Variants in COL4A3 observed in about 807,000 individuals in gnomAD.
COL4A3 encodes the protein collagen type IV alpha 3 chain, also known as collagen alpha-3(IV) chain.
COL4A3 carries 135 observed loss-of-function variants against 217.4 expected under a neutral mutation model. The observed-to-expected ratio is 0.62, with a 90% confidence interval of 0.54 to 0.72. The LOEUF is 0.72. Among genes scored for constraint, COL4A3 ranks in the 30% least tolerant of loss-of-function variants. COL4A3 has a pLI of 0.00. For synonymous variants in COL4A3, 690 were observed against 736.3 expected (o/e 0.94, Z 1.02); for missense variants, 1,868 against 2,119.9 (o/e 0.88, Z 2.33).
chr2:227,239,463 A>G (rs2068892749), intron 2 of COL4A3, among the ~76,000 whole-genome samples: 1 of 152,214 alleles, frequency 6.6e-6, no homozygotes, highest in Admixed American at 6.5e-5. Flanking sequence ...TAATTCCAAG[A>G]TACAAATCCA....
intron 48 of COL4A3, among the ~76,000 whole-genome samples, chr2:227,308,369 T>C (rs189728082): frequency 6.6e-6 from 1 of 152,240 alleles, no homozygotes; most frequent in Non-Finnish European, 1.5e-5. Context: ...CACACCACTA[T>C]ACCAAGCTAA....
At chr2:227,249,475 A>C (rs2069603645) in intron 9 of COL4A3, among the ~76,000 whole-genome samples, 1 of 151,548 alleles carries the variant, frequency 6.6e-6, no homozygotes, top group Non-Finnish European at 1.5e-5. Context: ...ACCTCAGGTG[A>C]TCCACCAACT....
At chr2:227,245,350 A>G (rs2069268528) in intron 5 of COL4A3, among the ~76,000 whole-genome samples, 1 of 152,190 alleles carries the variant, frequency 6.6e-6, no homozygotes, top group Non-Finnish European at 1.5e-5. Context: ...AAACCATTAC[A>G]CTATAACAAC....
At chr2:227,236,663 A>AT (rs375943584) in intron 1 of COL4A3, among the ~76,000 whole-genome samples, 12,398 of 144,608 alleles carry the variant, frequency 0.086, 656 homozygotes, top group Admixed American at 0.15. Flanking sequence ...GTCAAAACAC[A>AT]TTTTTTCTTT....
At chr2:227,280,750 T>A (rs773154667) in intron 30 of COL4A3, 143 bp from the exon 31 acceptor site, 4 of 1,065,640 alleles carry the variant, frequency 3.8e-6, no homozygotes, top group Non-Finnish European at 4.3e-6. Flanking sequence ...TTTTAATGAG[T>A]GCCCTCTAGA....
At chr2:227,213,007 T>G (rs923466496) in intron 1 of COL4A3, among the ~76,000 whole-genome samples, 8 of 152,236 alleles carry the variant, frequency 5.3e-5, no homozygotes, top group African/African-American at 1.9e-4. Context: ...CCTTGGCCGT[T>G]CATAAACAAA....
intron 1 of COL4A3, among the ~76,000 whole-genome samples, chr2:227,213,589 G>A (rs546039573): frequency 3.3e-5 from 5 of 152,182 alleles, no homozygotes; most frequent in East Asian, 1.9e-4. Context: ...TCTTGTTTCC[G>A]CTTTTTAGAT....
intron 5 of COL4A3, 145 bp downstream of exon 5, chr2:227,245,140 G>A (rs1052538129): frequency 3.9e-6 from 3 of 768,146 alleles, no homozygotes; most frequent in Non-Finnish European, 6.8e-6. Flanking sequence ...TATTATACTA[G>A]TGTGTGGATT....
At chr2:227,304,587 C>T (rs1460389936) in intron 46 of COL4A3, among the ~76,000 whole-genome samples, 1 of 152,160 alleles carries the variant, frequency 6.6e-6, no homozygotes, top group Admixed American at 6.5e-5. Flanking sequence ...ATTGAACTAA[C>T]CCCTCTACAT....
In COL4A3 at chr2:227,237,774, T is replaced by A. The variant is rs1016018394; in HGVS notation, c.88-194T>A. ...TCCGACATTTCTCCCTTATGCAACATGTTCTCAGTTTTCTACTTTATTGCT... is the reference window on the plus strand; with the variant it reads ...TCCGACATTTCTCCCTTATGCAACAAGTTCTCAGTTTTCTACTTTATTGCT... On this transcript the variant is annotated intron_variant, in intron 1 of 51. Coordinates refer to ENST00000396578, the MANE Select transcript of COL4A3 (RefSeq NM_000091.5). 1.7e-5 allele frequency: 9 copies of A among 529,256 alleles called. No individual in the cohort carries two copies. In the Admixed American group the frequency reaches 1.8e-4, roughly 11 times the overall value. The allele number at this position is 529,256 out of a possible 1,614,324, so 32.8% of individuals were successfully genotyped here.
intron 1 of COL4A3, among the ~76,000 whole-genome samples, chr2:227,213,574 C>T (rs771360102): frequency 4.6e-5 from 7 of 152,080 alleles, no homozygotes; most frequent in Non-Finnish European, 8.8e-5. Context: ...GTAAGAGATA[C>T]GTATTCTTGT....
intron 1 of COL4A3, among the ~76,000 whole-genome samples, chr2:227,213,833 C>G (rs1311990937): frequency 7.3e-6 from 1 of 137,418 alleles, no homozygotes; most frequent in Admixed American, 8.3e-5. Context: ...ACCCAGAAGA[C>G]AGAACTTGCA....
At chr2:227,299,312 G>A (rs558509705) in intron 43 of COL4A3, among the ~76,000 whole-genome samples, 126 of 152,220 alleles carry the variant, frequency 8.3e-4, no homozygotes, top group African/African-American at 2.9e-3. Flanking sequence ...GGAGAATGGC[G>A]TGAACCCGGG....
Position 227,198,871 on chromosome 2 carries a change from T to A in COL4A3, c.87+34058T>A, listed in dbSNP as rs922066187. Among the ~76,000 whole-genome samples, 6 of 152,092 alleles carry A rather than the reference T, an allele frequency of 3.9e-5. No homozygotes were observed. The East Asian group carries it at 7.7e-4, about 20-fold the overall frequency. On this transcript the variant is annotated intron_variant, in intron 1 of 51. Coordinates refer to ENST00000396578, the MANE Select transcript of COL4A3 (RefSeq NM_000091.5). ...TGTATTGAAGGCAATGGGGAAGCAG[T>A]ATAGGGTTTTTAGCAGGGAATCAAC... is the stretch of plus-strand genomic sequence containing the variant.
intron 1 of COL4A3, among the ~76,000 whole-genome samples, chr2:227,235,543 T>C (rs1336172543): frequency 1.3e-5 from 2 of 152,170 alleles, no homozygotes; most frequent in Non-Finnish European, 2.9e-5. Context: ...GATGCACCCA[T>C]CACCCAAACA....
chr2:227,242,991 T>C (rs1325090625), intron 3 of COL4A3, among the ~76,000 whole-genome samples: 1 of 152,242 alleles, frequency 6.6e-6, no homozygotes, highest in African/African-American at 2.4e-5. Context: ...CTCTAAGGCA[T>C]GGACCCAGGT....
At chr2:227,283,657 T>C in intron 32 of COL4A3, 110 bp from the exon 33 acceptor site, 1 of 964,976 alleles carries the variant, frequency 1.0e-6, no homozygotes, top group Non-Finnish European at 1.7e-6. Context: ...GAGGCCATTT[T>C]TTCAACTCCC....
intron 1 of COL4A3, among the ~76,000 whole-genome samples, chr2:227,236,811 C>A (rs1418378537): frequency 6.6e-6 from 1 of 152,034 alleles, no homozygotes; most frequent in Non-Finnish European, 1.5e-5. Context: ...AGGAGCCCAC[C>A]ACCACACCCA....
At position 227,214,879 on chromosome 2, in the gene COL4A3, C is replaced by T. The variant is rs551100338; in HGVS notation, c.88-23089C>T. ...ACAGTCTGGGTGTCTGGTTTAAGAACTTTCTTATCACATTATTACCTAAGG... is the reference window on the plus strand; with the variant it reads ...ACAGTCTGGGTGTCTGGTTTAAGAATTTTCTTATCACATTATTACCTAAGG... On this transcript the variant is annotated intron_variant, in intron 1 of 51. Coordinates refer to ENST00000396578, the MANE Select transcript of COL4A3 (RefSeq NM_000091.5). Among the ~76,000 whole-genome samples, 31 of 152,280 alleles carry T rather than the reference C, an allele frequency of 2.0e-4. No homozygotes were observed. The South Asian group carries it at 6.2e-3, about 31-fold the overall frequency.
Sources: gnomAD v4.1 joint callset for allele counts (sites outside exome capture counted in the v4.1 genomes callset) on GRCh38, gnomAD v4.1.1 for gene constraint, MANE v1.5 for transcripts, NCBI Gene and HGNC (gene_info 2026-07-23, HGNC 2026-07-21) for gene names.